GAREM1: variants seen among roughly 807,000 people sequenced by gnomAD.
GAREM1 encodes the protein GRB2-associated and regulator of MAPK protein 1.
Under a neutral mutation model 71.3 loss-of-function variants are expected in GAREM1, and 26 were observed. The ratio of observed to expected loss-of-function variants is 0.36; its 90% CI spans 0.27 to 0.51. The LOEUF is 0.51. Among genes scored for constraint, GAREM1 ranks in the 20% least tolerant of loss-of-function variants. The pLI, the probability that GAREM1 is intolerant of heterozygous loss-of-function variation, is 0.95. For missense variants in GAREM1, 1,026 were observed against 1,103.1 expected (o/e 0.93, Z 0.99); for synonymous variants, 440 against 433.2 (o/e 1.02, Z -0.20).
chr18:32,355,311 T>C (rs2047793536), intron 2 of GAREM1, among the ~76,000 whole-genome samples: 1 of 152,174 alleles, frequency 6.6e-6, no homozygotes. Context: ...CTATGGTGAA[T>C]AATGAAGTAA....
intron 1 of GAREM1, among the ~76,000 whole-genome samples, chr18:32,402,670 T>C (rs1265936641): frequency 6.6e-6 from 1 of 152,176 alleles, no homozygotes; most frequent in Non-Finnish European, 1.5e-5. Flanking sequence ...AAGGATTCAA[T>C]TAGTTGTAGA....
At chr18:32,302,546 CG>C (rs1301882384) in intron 3 of GAREM1, among the ~76,000 whole-genome samples, 1 of 152,116 alleles carries the variant, frequency 6.6e-6, no homozygotes, top group Non-Finnish European at 1.5e-5. Context: ...GGAGGAAAAT[CG>C]TGTTATCTGT....
At chr18:32,402,655 T>C (rs2048326178) in intron 1 of GAREM1, among the ~76,000 whole-genome samples, 1 of 152,124 alleles carries the variant, frequency 6.6e-6, no homozygotes, top group South Asian at 2.1e-4. Flanking sequence ...TCTTATATAT[T>C]TCTCAAGGAT....
rs143895181 is a variant in GAREM1 at position 32,454,034 on chromosome 18, G to T, written c.121+16274C>A. On this transcript the variant is annotated intron_variant, in intron 1 of 5. Transcript: ENST00000269209. ...TTTAAAGTTGGAAAACGTAATATGAGAAAAAATTACACTATGGTTGTATAT... is the reference window on the plus strand; with the variant it reads ...TTTAAAGTTGGAAAACGTAATATGATAAAAAATTACACTATGGTTGTATAT... 7.5e-4 allele frequency among the ~76,000 whole-genome samples: 114 copies of T among 152,128 alleles called. 1 individual carries two copies. The highest frequency in any genetic ancestry group is 2.2e-3 in the African/African-American group (91 of 41,520).
chr18:32,470,845 G>A lies in GAREM1; in HGVS notation c.-417C>T, dbSNP rs2049048522. On this transcript the variant is annotated 5_prime_UTR_variant, in exon 1 of 6. Transcript: ENST00000269209. This position sits in a 1 kb window ranked among gnomAD's most constrained non-coding sequence, Gnocchi z 4.4. ...TCGAGCGTGTGAGGAGGAGCCGCGG[G>A]TCTGAGAAACGCCATAGCAGCGCTC... 6.6e-6 allele frequency among the ~76,000 whole-genome samples: 1 copy of A among 150,452 alleles called. No homozygotes were observed.
At chr18:32,410,613 G>T (rs1472038107) in intron 1 of GAREM1, among the ~76,000 whole-genome samples, 1 of 152,120 alleles carries the variant, frequency 6.6e-6, no homozygotes, top group East Asian at 1.9e-4. Flanking sequence ...GCCTCCCAAA[G>T]CATGGTTCTA....
intron 1 of GAREM1, among the ~76,000 whole-genome samples, chr18:32,398,558 A>G (rs1179670513): frequency 2.6e-5 from 4 of 152,258 alleles, no homozygotes; most frequent in African/African-American, 7.2e-5. Context: ...AATAAACTAG[A>G]AAATCTAGAA....
chr18:32,468,753 T>C (rs2049021086), intron 1 of GAREM1, among the ~76,000 whole-genome samples: 2 of 152,180 alleles, frequency 1.3e-5, no homozygotes, highest in African/African-American at 4.8e-5. Flanking sequence ...TCTGCCTAGC[T>C]AGCAAATGTG....
rs970035933 is a variant in GAREM1 at position 32,340,303 on chromosome 18, A to G, written c.263-29980T>C. 2.6e-5 allele frequency among the ~76,000 whole-genome samples: 4 copies of G among 152,330 alleles called. No homozygotes were observed. The East Asian group carries it at 7.7e-4, about 29-fold the overall frequency. On this transcript the variant is annotated intron_variant, in intron 2 of 5. Transcript: ENST00000269209. ...CAATCACTCAAAGAAGTATGTAATT[A>G]TAACTAGGATCCACGCTCTAGAGAA...
At position 32,270,362 on chromosome 18, in the gene GAREM1, G is replaced by A. The variant is rs147522952; in HGVS notation, c.1588C>T (p.Leu530=). 4.9e-5 allele frequency: 79 copies of A among 1,613,164 alleles called. 1 individual carries two copies. In the African/African-American group the frequency reaches 9.7e-4, roughly 20 times the overall value. ...SEAVREECRL[L]NAPPVPPRSA... is the part of the protein sequence containing the mutation. Reference sequence around the variant, plus strand: ...CGGGGTGGAACAGGTGGGGCGTTCAGGAGCCGGCATTCTTCTCTGACCTGG... The same window carrying A: ...CGGGGTGGAACAGGTGGGGCGTTCAAGAGCCGGCATTCTTCTCTGACCTGG... Residue 530 remains leucine (L), a synonymous_variant, in exon 5 of 6, where the codon CTG becomes TTG. Coordinates refer to ENST00000269209, the MANE Select transcript of GAREM1 (RefSeq NM_001242409.2).
chr18:32,436,996 C>G (rs962897494), intron 1 of GAREM1, among the ~76,000 whole-genome samples: 2 of 152,118 alleles, frequency 1.3e-5, no homozygotes, highest in African/African-American at 2.4e-5. Context: ...AAATCCCAAT[C>G]CAGCACCTGC....
At chr18:32,361,743 G>T (rs561491890) in intron 2 of GAREM1, among the ~76,000 whole-genome samples, 1 of 152,066 alleles carries the variant, frequency 6.6e-6, no homozygotes, top group Non-Finnish European at 1.5e-5. Context: ...TTTCCTCATA[G>T]AGTTTATAAA....
intron 2 of GAREM1, among the ~76,000 whole-genome samples, chr18:32,372,708 T>G (rs2047994951): frequency 6.6e-6 from 1 of 152,170 alleles, no homozygotes; most frequent in South Asian, 2.1e-4. Flanking sequence ...TCAACAAAAC[T>G]GGGAATACTG....
intron 1 of GAREM1, among the ~76,000 whole-genome samples, chr18:32,406,351 T>C (rs989985904): frequency 3.1e-4 from 47 of 152,238 alleles, no homozygotes; most frequent in African/African-American, 1.1e-3. Context: ...ACATTTAAAA[T>C]AAATGATGTC....
intron 2 of GAREM1, among the ~76,000 whole-genome samples, chr18:32,318,944 G>C (rs1364916093): frequency 1.3e-5 from 2 of 152,146 alleles, no homozygotes; most frequent in Non-Finnish European, 1.5e-5. Context: ...ACCTAAAAAT[G>C]GCTAATGTGA....
chr18:32,323,088 C>CA (rs1429676226), intron 2 of GAREM1, among the ~76,000 whole-genome samples: 1 of 152,212 alleles, frequency 6.6e-6, no homozygotes, highest in African/African-American at 2.4e-5. Context: ...CTCATAGCTC[C>CA]AGCACCTGCT....
chr18:32,280,671 G>A (rs948127194), intron 4 of GAREM1, among the ~76,000 whole-genome samples: 6 of 152,186 alleles, frequency 3.9e-5, no homozygotes, highest in African/African-American at 1.2e-4. Context: ...AACTAAAACA[G>A]TACCTATCTT....
At chr18:32,331,233 A>T (rs1420666445) in intron 2 of GAREM1, among the ~76,000 whole-genome samples, 1 of 152,138 alleles carries the variant, frequency 6.6e-6, no homozygotes, top group Non-Finnish European at 1.5e-5. Flanking sequence ...CCTTTCTTAA[A>T]CTGTACTCCC....
intron 2 of GAREM1, among the ~76,000 whole-genome samples, chr18:32,376,825 CA>C (rs2048034725): frequency 6.6e-6 from 1 of 151,984 alleles, no homozygotes. Context: ...GCAACAAGAG[CA>C]AAACTGTCTC....
Sources: allele counts gnomAD v4.1 joint callset (sites outside exome capture counted in the v4.1 genomes callset), GRCh38; gene constraint gnomAD v4.1.1; non-coding constraint Gnocchi (gnomAD v3.1); transcripts MANE v1.5; gene names NCBI Gene and HGNC (gene_info 2026-07-23, HGNC 2026-07-21).